The following SYT9 variants were observed in gnomAD, a reference collection of about 807,000 sequenced individuals.
The protein encoded by SYT9 is synaptotagmin 9, also known as synaptotagmin-9.
Under a neutral mutation model 48.4 loss-of-function variants are expected in SYT9, and 22 were observed. The ratio of observed to expected loss-of-function variants is 0.45; its 90% CI spans 0.32 to 0.65. SYT9 has a LOEUF of 0.65. Ranked by LOEUF, SYT9 falls within the 30% of genes least tolerant of loss-of-function variation. SYT9 has a pLI of 0.03. For synonymous variants in SYT9, 265 were observed against 245.0 expected, an observed-to-expected ratio of 1.08 and a Z score of -0.76; for missense variants, 577 against 622.0, an observed-to-expected ratio of 0.93 and a Z score of 0.77.
chr11:7,352,516 T>C (rs1849937017), intron 3 of SYT9, among the ~76,000 whole-genome samples: 1 of 152,198 alleles, frequency 6.6e-6, no homozygotes, highest in African/African-American at 2.4e-5. Context: ...AGTTCAGAAA[T>C]ATATGATGCT....
chr11:7,346,878 A>T (rs1003750559), intron 3 of SYT9, among the ~76,000 whole-genome samples: 4 of 152,188 alleles, frequency 2.6e-5, no homozygotes, highest in Non-Finnish European at 5.9e-5. Flanking sequence ...ATCTCTGTCC[A>T]TGGTTCTTCA....
intron 3 of SYT9, among the ~76,000 whole-genome samples, chr11:7,340,529 G>C (rs1352675305): frequency 6.6e-6 from 1 of 152,186 alleles, no homozygotes; most frequent in African/African-American, 2.4e-5. Context: ...GATTGAAGTG[G>C]TCAGGCAGGA....
At chr11:7,391,756 A>AC (rs1481388488) in intron 3 of SYT9, among the ~76,000 whole-genome samples, 2 of 134,252 alleles carry the variant, frequency 1.5e-5, no homozygotes, top group Admixed American at 7.6e-5. Flanking sequence ...AAAAAAAAAA[A>AC]AAAAAAAAAC....
intron 2 of SYT9, among the ~76,000 whole-genome samples, chr11:7,311,816 G>A (rs1849139674): frequency 6.6e-6 from 1 of 152,182 alleles, no homozygotes; most frequent in South Asian, 2.1e-4. Flanking sequence ...GTCCAGTAAA[G>A]TGAGACTCAA....
chr11:7,468,491 C>T lies in SYT9; in HGVS notation c.*1691C>T, dbSNP rs891624190. The T allele has an allele frequency of 2.5e-6, 1 of 394,534 alleles. No individual in the cohort carries two copies. Among genetic ancestry groups the T allele is most frequent in the African/African-American group, 2.1e-5 (1 of 48,562 alleles). 24.4% of individuals were successfully genotyped at this position (394,534 alleles called of 1,614,324 possible). A position where few individuals can be genotyped will look rare whatever the true frequency, so the allele number is the denominator to read the frequency against. On this transcript the variant is annotated 3_prime_UTR_variant, in exon 7 of 7. Coordinates refer to ENST00000318881, the MANE Select transcript of SYT9 (RefSeq NM_175733.4). ...AACTTGGCTTCCTCTGCTCAAGGTTCCCCTCTGCTCATCCCTCCTCATTCA... is the reference window on the plus strand; with the variant it reads ...AACTTGGCTTCCTCTGCTCAAGGTTTCCCTCTGCTCATCCCTCCTCATTCA...
At position 7,446,125 on chromosome 11, in the gene SYT9, T is replaced by C. The variant is rs111681178; in HGVS notation, c.1468-20667T>C. Among the ~76,000 whole-genome samples the C allele has an allele frequency of 1.9e-3, 287 of 152,310 alleles. 1 individual carries two copies. The highest frequency in any genetic ancestry group is 6.7e-3 in the African/African-American group (279 of 41,566). On this transcript the variant is annotated intron_variant, in intron 6 of 6. Transcript: ENST00000318881. ...GCAGACTTGCCTGAAAAACACCCACTTGACCTTATAGTTGTGCCTATCACC... is the reference window on the plus strand; with the variant it reads ...GCAGACTTGCCTGAAAAACACCCACCTGACCTTATAGTTGTGCCTATCACC...
chr11:7,433,412 G>A (rs1398376499), intron 6 of SYT9, among the ~76,000 whole-genome samples: 1 of 152,196 alleles, frequency 6.6e-6, no homozygotes, highest in Non-Finnish European at 1.5e-5. Flanking sequence ...TGAACATTCT[G>A]AATTTTTCTT....
chr11:7,419,907 A>G (rs1847318844), intron 5 of SYT9, among the ~76,000 whole-genome samples: 1 of 152,176 alleles, frequency 6.6e-6, no homozygotes, highest in Non-Finnish European at 1.5e-5. Context: ...AAAAAAAAGA[A>G]ATATTAGCCT....
intron 2 of SYT9, 109 bp from the exon 3 acceptor site, chr11:7,313,286 C>G (rs1396883762): frequency 8.4e-7 from 1 of 1,188,588 alleles, no homozygotes; most frequent in Non-Finnish European, 1.2e-6. Flanking sequence ...GCCCACAGAT[C>G]TAAGCTCCTG....
intron 3 of SYT9, among the ~76,000 whole-genome samples, chr11:7,361,384 C>G (rs951143703): frequency 7.2e-5 from 11 of 152,166 alleles, no homozygotes; most frequent in Non-Finnish European, 1.5e-4. Flanking sequence ...GAATTTTGGT[C>G]GTAGAACATT....
At chr11:7,396,671 T>C (rs1024918297) in intron 3 of SYT9, among the ~76,000 whole-genome samples, 2 of 152,142 alleles carry the variant, frequency 1.3e-5, no homozygotes, top group African/African-American at 4.8e-5. Context: ...ACTGCCACAT[T>C]TGCCTTTCAA....
chr11:7,387,930 T>G (rs578213340), intron 3 of SYT9, among the ~76,000 whole-genome samples: 33 of 152,310 alleles, frequency 2.2e-4, no homozygotes, highest in African/African-American at 7.5e-4. Flanking sequence ...TATTAAAATC[T>G]CAAGTCATAA....
chr11:7,446,780 G>T (rs1463360719), intron 6 of SYT9, among the ~76,000 whole-genome samples: 1 of 150,916 alleles, frequency 6.6e-6, no homozygotes, highest in Non-Finnish European at 1.5e-5. Context: ...TCCTCCTGGA[G>T]AATGTGGGTA....
In SYT9 at chr11:7,303,121, ACT is replaced by A; in HGVS notation, c.231_232del (p.Cys78LeufsTer13). The part of the protein sequence containing the change: ...FGVSLFVSWK[L>X]CWVPWRERGL... ...GCGTGTCTCTCTTCGTATCTTGGAA[ACT>A]CTGCTGGGTTCCGTGGCGAGAACGA... On this transcript the variant is annotated frameshift_variant, in exon 2 of 7. Coordinates refer to ENST00000318881, the MANE Select transcript of SYT9 (RefSeq NM_175733.4). LOFTEE classifies it high-confidence loss of function. 3.7e-6 allele frequency: 6 copies of A among 1,613,130 alleles called. No individual in the cohort carries two copies. The highest frequency in any genetic ancestry group is 3.4e-6 in the Non-Finnish European group (4 of 1,179,804).
At chr11:7,398,412 C>CTTTTT (rs71059106) in intron 3 of SYT9, among the ~76,000 whole-genome samples, 2 of 125,838 alleles carry the variant, frequency 1.6e-5, no homozygotes, top group African/African-American at 2.9e-5. Context: ...GTTTTCTTTT[C>CTTTTT]TTTTTTTTTT....
At chr11:7,416,372 T>G (rs1378418194) in intron 4 of SYT9, among the ~76,000 whole-genome samples, 2 of 152,192 alleles carry the variant, frequency 1.3e-5, no homozygotes, top group African/African-American at 4.8e-5. Flanking sequence ...TTATAGCGTC[T>G]GGCTCACCGG....
chr11:7,438,014 GT>G (rs1293497200), intron 6 of SYT9: 2 of 152,234 alleles, frequency 1.3e-5, no homozygotes, highest in Non-Finnish European at 2.9e-5. Flanking sequence ...ACCAAGTGCT[GT>G]GGACAGAGAG....
At chr11:7,364,944 T>G (rs1360460265) in intron 3 of SYT9, among the ~76,000 whole-genome samples, 1 of 152,174 alleles carries the variant, frequency 6.6e-6, no homozygotes, top group Non-Finnish European at 1.5e-5. Flanking sequence ...GAACCTTTGT[T>G]CAGACAGTTA....
chr11:7,296,589 T>C (rs1054867377), intron 1 of SYT9, among the ~76,000 whole-genome samples: 2 of 152,232 alleles, frequency 1.3e-5, no homozygotes, highest in Admixed American at 1.3e-4. Context: ...TTCCTGTGTC[T>C]CTTTCTTTTT....
Sources: allele counts gnomAD v4.1 joint callset (sites outside exome capture counted in the v4.1 genomes callset), GRCh38; gene constraint gnomAD v4.1.1; transcripts MANE v1.5; gene names NCBI Gene and HGNC (gene_info 2026-07-23, HGNC 2026-07-21).